GPATCH1: variants seen among roughly 807,000 people sequenced by gnomAD.
GPATCH1 encodes G-patch domain containing 1.
A neutral mutation model predicts 114.9 loss-of-function variants in GPATCH1; 73 were observed. That is an observed-to-expected ratio of 0.64 (90% CI 0.53 to 0.77). GPATCH1 has a LOEUF of 0.77. Ranked by LOEUF, GPATCH1 falls within the 30% of genes least tolerant of loss-of-function variation. GPATCH1 has a pLI of 0.00. For missense variants in GPATCH1, 1,058 were observed against 1,144.3 expected (o/e 0.92, Z 1.09); for synonymous variants, 391 against 428.4 (o/e 0.91, Z 1.08).
At position 33,125,212 on chromosome 19, in the gene GPATCH1, T is replaced by G. The variant is rs1239320400; in HGVS notation, c.2619+10T>G. 1 of 1,584,268 alleles carries G rather than the reference T, an allele frequency of 6.3e-7. No individual in the cohort carries two copies. The highest frequency in any genetic ancestry group is 1.4e-5 in the African/African-American group (1 of 73,798). ...GCGGAAGAAAGAGAAGGTGAGAGAC[T>G]TGTGTGTACCCCAGGATCAGTGTGG... On this transcript the variant is annotated intron_variant, in intron 18 of 19. Transcript: ENST00000170564.
chr19:33,096,325 A>G lies in GPATCH1; in HGVS notation c.731A>G (p.His244Arg). The G allele has an allele frequency of 6.2e-7, 1 of 1,614,084 alleles. No homozygotes were observed. Reference protein sequence around the residue: ...HGLAYKGLDPHQALFGTSGEH... With the variant: ...HGLAYKGLDPRQALFGTSGEH... ...CTAGCTTACAAGGGCCTGGATCCCC[A>G]CCAGGCACTGTTTGGAACTTCGGGA... The change falls in exon 7 of 20, where the codon CAC (histidine) becomes CGC (arginine). Residue 244 changes from histidine to arginine, a missense_variant. Physicochemically the swap from His to Arg is conservative, Grantham distance 29. Around this residue, in one of 3 missense-constraint regions of GPATCH1, gnomAD observed 893 missense variants for 977.4 expected, o/e 0.91. Coordinates refer to ENST00000170564, the MANE Select transcript of GPATCH1 (RefSeq NM_018025.3).
intron 3 of GPATCH1, among the ~76,000 whole-genome samples, chr19:33,091,887 C>G (rs1972600157): frequency 6.6e-6 from 1 of 152,162 alleles, no homozygotes; most frequent in Non-Finnish European, 1.5e-5. Context: ...AGCAAGAAGT[C>G]TAGATGTGCT....
Position 33,113,917 on chromosome 19 carries a change from C to T in GPATCH1, c.2029+14C>T, listed in dbSNP as rs1376349960. 1.2e-6 allele frequency: 2 copies of T among 1,611,944 alleles called. No individual in the cohort carries two copies. The highest frequency in any genetic ancestry group is 1.3e-5 in the African/African-American group (1 of 74,838). On this transcript the variant is annotated intron_variant, in intron 14 of 19. Coordinates refer to ENST00000170564, the MANE Select transcript of GPATCH1 (RefSeq NM_018025.3). Reference sequence around the variant, plus strand: ...GAGGTCCCGACAGTGAGTAGGGCGTCCCCGGGGTCTCTGATTGACCAGGGC... The same window carrying T: ...GAGGTCCCGACAGTGAGTAGGGCGTTCCCGGGGTCTCTGATTGACCAGGGC...
At chr19:33,082,140 T>C (rs1972485411) in intron 1 of GPATCH1, among the ~76,000 whole-genome samples, 1 of 151,924 alleles carries the variant, frequency 6.6e-6, no homozygotes, top group Admixed American at 6.6e-5. Context: ...GGTGGTGGTG[T>C]GTAGTGGTCT....
At chr19:33,085,080 T>C (rs1384096473) in intron 1 of GPATCH1, among the ~76,000 whole-genome samples, 1 of 152,164 alleles carries the variant, frequency 6.6e-6, no homozygotes, top group Non-Finnish European at 1.5e-5. Flanking sequence ...GACCTTCTCA[T>C]TGTCAGAAGT....
Position 33,109,863 on chromosome 19 carries a change from C to T in GPATCH1, c.1432C>T (p.Pro478Ser), listed in dbSNP as rs1461876759. Residue 478 changes from proline (P) to serine (S), a missense_variant, in exon 11 of 20, where the codon CCT becomes TCT. Physicochemically the swap from Pro to Ser is moderately conservative, Grantham distance 74. Coordinates refer to ENST00000170564, the MANE Select transcript of GPATCH1 (RefSeq NM_018025.3). ...TCAGAGCAGCAGAGCCCAGCTCTCC[C>T]CTGCAGCGGCTGCTGGGCACTGCTC... is the stretch of plus-strand genomic sequence containing the variant. ...NAQSSRAQLS[P>S]AAAAGHCSWN... 3.1e-6 allele frequency: 5 copies of T among 1,614,018 alleles called. No homozygotes were observed. Among genetic ancestry groups the T allele is most frequent in the Non-Finnish European group, 4.2e-6 (5 of 1,180,010 alleles).
At chr19:33,100,858 G>C (rs150422573) in intron 8 of GPATCH1, among the ~76,000 whole-genome samples, 8 of 151,750 alleles carry the variant, frequency 5.3e-5, no homozygotes, top group Non-Finnish European at 1.2e-4. Flanking sequence ...TAACCAGTAC[G>C]TGCAGGAAAA....
intron 7 of GPATCH1, among the ~76,000 whole-genome samples, chr19:33,096,684 AG>A (rs1307031498): frequency 6.6e-6 from 1 of 151,964 alleles, no homozygotes; most frequent in African/African-American, 2.4e-5. Flanking sequence ...GCTGGAGTGC[AG>A]TGGTGCGATC....
At chr19:33,101,772 G>A (rs999813659) in intron 9 of GPATCH1, among the ~76,000 whole-genome samples, 198 bp downstream of exon 9, 2 of 152,156 alleles carry the variant, frequency 1.3e-5, no homozygotes, top group Non-Finnish European at 1.5e-5. Context: ...GCTCATACCT[G>A]TAATCCCAGC....
At chr19:33,118,899 T>C in intron 16 of GPATCH1, 111 bp from the exon 17 acceptor site, 1 of 608,346 alleles carries the variant, frequency 1.6e-6, no homozygotes, top group South Asian at 2.1e-5. Flanking sequence ...CTGGCAGGAG[T>C]GAAGTGGTGT....
intron 19 of GPATCH1, among the ~76,000 whole-genome samples, chr19:33,127,665 C>CCACACACACA (rs141613734): frequency 6.6e-6 from 1 of 151,412 alleles, no homozygotes; most frequent in African/African-American, 2.4e-5. Context: ...TTTTGTGCAA[C>CCACACACACA]CACACACACA....
At position 33,096,392 on chromosome 19, in the gene GPATCH1, C is replaced by T. The variant is rs114017497; in HGVS notation, c.798C>T (p.Gly266=). The change falls in exon 7 of 20, where the codon GGC becomes GGT. Residue 266 remains glycine (G), a synonymous_variant. Coordinates refer to ENST00000170564, the MANE Select transcript of GPATCH1 (RefSeq NM_018025.3). ...TCAGTGGTGGTTCTGAGAGAGCTGG[C>T]GATCTTGGAGAAATTGGACTGAATA... ...NLFSGGSERA[G]DLGEIGLNKG... is the part of the protein sequence containing the mutation. 2,038 of 1,613,324 alleles carry T rather than the reference C, an allele frequency of 1.3e-3. 16 individuals are homozygous for T. In the African/African-American group the frequency reaches 0.023, roughly 18 times the overall value.
intron 15 of GPATCH1, among the ~76,000 whole-genome samples, chr19:33,115,327 T>C (rs1972906246): frequency 1.4e-5 from 2 of 147,396 alleles, no homozygotes; most frequent in African/African-American, 5.0e-5. Context: ...CCTCCTGCCC[T>C]GGCCTCCCAA....
chr19:33,120,830 A>G (rs1769841713), intron 17 of GPATCH1, among the ~76,000 whole-genome samples: 1 of 151,870 alleles, frequency 6.6e-6, no homozygotes, highest in African/African-American at 2.4e-5. Context: ...TGTACTAAAA[A>G]TACAAAAAAA....
rs1024518084 is a variant in GPATCH1, at chr19:33,123,101, T to G, written c.2522-2004T>G. Among the ~76,000 whole-genome samples the G allele has an allele frequency of 2.7e-5, 4 of 147,226 alleles. No individual in the cohort carries two copies. In the South Asian group the frequency reaches 6.5e-4, roughly 24 times the overall value. On this transcript the variant is annotated intron_variant, in intron 17 of 19. Coordinates refer to ENST00000170564, the MANE Select transcript of GPATCH1 (RefSeq NM_018025.3). ...ATAAATAAATAAATAAATAAATAAA[T>G]AAATAAATAAATAAATAGCTGGGCA...
intron 17 of GPATCH1, among the ~76,000 whole-genome samples, chr19:33,123,468 G>T (rs1487149386): frequency 1.3e-5 from 2 of 151,182 alleles, no homozygotes; most frequent in Non-Finnish European, 3.0e-5. Flanking sequence ...TGAAAAATCT[G>T]GTTGGGCATG....
intron 14 of GPATCH1, 81 bp downstream of exon 14, chr19:33,113,984 T>C: frequency 7.7e-7 from 1 of 1,293,354 alleles, no homozygotes; most frequent in Non-Finnish European, 1.1e-6. Flanking sequence ...AAAGGGTAGT[T>C]TAGTCCTAAC....
In GPATCH1 at chr19:33,095,781, T is replaced by C; in HGVS notation, c.573T>C (p.Tyr191=). Residue 191 remains tyrosine (Y), a synonymous_variant, in exon 6 of 20, where the codon TAT becomes TAC. Coordinates refer to ENST00000170564, the MANE Select transcript of GPATCH1 (RefSeq NM_018025.3). Reference sequence around the variant, plus strand: ...TTCTAGATCCTGGAGTCAAAATCTATGGCTGTGCATTACCCCCTGGAAGCT... The same window carrying C: ...TTCTAGATCCTGGAGTCAAAATCTACGGCTGTGCATTACCCCCTGGAAGCT... ...RQKPDPGVKI[Y]GCALPPGSSE... 3.7e-6 allele frequency: 6 copies of C among 1,611,262 alleles called. No individual in the cohort carries two copies. Among genetic ancestry groups the C allele is most frequent in the African/African-American group, 1.3e-5 (1 of 74,956 alleles).
chr19:33,119,357 G>T (rs560805747), intron 17 of GPATCH1, among the ~76,000 whole-genome samples: 1 of 152,118 alleles, frequency 6.6e-6, no homozygotes, highest in Non-Finnish European at 1.5e-5. Flanking sequence ...AGGGTCCTAA[G>T]TATCTTAAGT....
Sources: gnomAD v4.1 joint callset for allele counts (sites outside exome capture counted in the v4.1 genomes callset) on GRCh38, gnomAD v4.1.1 for gene constraint, gnomAD v4.1.1 regional missense constraint, MANE v1.5 for transcripts, NCBI Gene and HGNC (gene_info 2026-07-23, HGNC 2026-07-21) for gene names.